Variants in MITF observed in about 807,000 individuals in gnomAD.
MITF encodes microphthalmia-associated transcription factor.
A neutral mutation model predicts 60.5 loss-of-function variants in MITF; 17 were observed. That is an observed-to-expected ratio of 0.28 (90% CI 0.19 to 0.42). The LOEUF (loss-of-function observed/expected upper bound fraction) is 0.42, where lower values mean the gene tolerates loss of function less well. MITF is among the 10% of genes least tolerant of loss of function. The pLI is 1.00. For synonymous variants in MITF, 260 were observed against 248.5 expected (o/e 1.05, Z -0.43); for missense variants, 622 against 683.5 (o/e 0.91, Z 1.00).
intron 1 of MITF, among the ~76,000 whole-genome samples, chr3:69,863,511 A>G (rs910390664): frequency 2.6e-5 from 4 of 152,174 alleles, no homozygotes; most frequent in African/African-American, 9.7e-5. Flanking sequence ...ATTTGGCACC[A>G]CATTATGTCC....
intron 7 of MITF, 61 bp downstream of exon 7, chr3:69,951,947 T>C: frequency 7.7e-7 from 1 of 1,294,024 alleles, no homozygotes; most frequent in Non-Finnish European, 1.1e-6. Flanking sequence ...ATATCAAAAA[T>C]GTTTCCAGAA....
chr3:69,802,735 A>C lies in MITF; in HGVS notation c.104+63034A>C, dbSNP rs529278840. 4.1e-3 allele frequency among the ~76,000 whole-genome samples: 503 copies of C among 121,352 alleles called. 6 individuals are homozygous for C. Among genetic ancestry groups the C allele is most frequent in the African/African-American group, 0.015 (466 of 30,738 alleles). 79.6% of individuals were successfully genotyped at this position (121,352 alleles called of 152,430 possible). The stretch of plus-strand genomic sequence containing the variant: ...AGAGGATGTTTGGCTCTTATTGCCC[A>C]GGCTGGAGTGCAATGGTGTGATCTC... On this transcript the variant is annotated intron_variant, in intron 1 of 9. Transcript: ENST00000352241.
At chr3:69,780,378 T>C (rs2062544126) in intron 1 of MITF, among the ~76,000 whole-genome samples, 2 of 152,234 alleles carry the variant, frequency 1.3e-5, no homozygotes, top group South Asian at 4.1e-4. Flanking sequence ...ACAAAGAAGA[T>C]GCATGCCAAT....
At chr3:69,956,996 T>C (rs183857872) in intron 8 of MITF, among the ~76,000 whole-genome samples, 2 of 152,318 alleles carry the variant, frequency 1.3e-5, no homozygotes, top group East Asian at 3.9e-4. Context: ...CAATTATTTT[T>C]ATGAAAACTT....
Position 69,948,665 on chromosome 3 carries a change from A to T in MITF, c.763-386A>T, listed in dbSNP as rs575831686. 4.6e-5 allele frequency among the ~76,000 whole-genome samples: 7 copies of T among 152,282 alleles called. No individual in the cohort carries two copies. In the East Asian group the frequency reaches 9.7e-4, roughly 21 times the overall value. On this transcript the variant is annotated intron_variant, in intron 5 of 9. Transcript: ENST00000352241. ...GAAAGTCCTATTTGGTGAAAAGGTC[A>T]TTTTATATACAATCCTGTTTTACAA...
chr3:69,819,359 A>G (rs2063230134), intron 1 of MITF, among the ~76,000 whole-genome samples: 1 of 152,212 alleles, frequency 6.6e-6, no homozygotes, highest in Non-Finnish European at 1.5e-5. Flanking sequence ...AATGAAGTTC[A>G]GAAGTTCAGA....
intron 1 of MITF, among the ~76,000 whole-genome samples, chr3:69,834,850 T>C (rs1165379590): frequency 1.3e-5 from 2 of 149,982 alleles, no homozygotes; most frequent in African/African-American, 4.9e-5. Flanking sequence ...TCTTTTCTTT[T>C]TTTTTTTTTT....
chr3:69,740,719 T>G (rs559416307), intron 1 of MITF, among the ~76,000 whole-genome samples: 7 of 152,216 alleles, frequency 4.6e-5, no homozygotes, highest in Non-Finnish European at 1.0e-4. Flanking sequence ...TTTCCACCCC[T>G]CTAAGCTGTG....
Position 69,798,567 on chromosome 3 carries a change from C to G in MITF, c.104+58866C>G, listed in dbSNP as rs113538621. On this transcript the variant is annotated intron_variant, in intron 1 of 9. Transcript: ENST00000352241. ...TCATGATTAGACTGTGTGTCCACAT[C>G]TCAGTATTTTTGCTGCTATTTTTAT... 4.3e-3 allele frequency among the ~76,000 whole-genome samples: 662 copies of G among 152,328 alleles called. 6 individuals are homozygous for G. The highest frequency in any genetic ancestry group is 0.015 in the African/African-American group (613 of 41,558).
At chr3:69,766,993 C>T (rs576270746) in intron 1 of MITF, among the ~76,000 whole-genome samples, 51 of 152,306 alleles carry the variant, frequency 3.3e-4, no homozygotes, top group African/African-American at 1.2e-3. Context: ...GAGACAACAG[C>T]ATGCACCATT....
At chr3:69,847,412 G>T (rs149214666) in intron 1 of MITF, among the ~76,000 whole-genome samples, 1 of 152,162 alleles carries the variant, frequency 6.6e-6, no homozygotes, top group Admixed American at 6.6e-5. Flanking sequence ...GAAAAGTGGC[G>T]TGAAGGCCAG....
At chr3:69,882,540 A>G (rs2064512881) in intron 2 of MITF, among the ~76,000 whole-genome samples, 1 of 152,136 alleles carries the variant, frequency 6.6e-6, no homozygotes, top group Non-Finnish European at 1.5e-5. Context: ...CACACCCTGT[A>G]TTTTGAGTTG....
At chr3:69,794,173 G>C (rs1242399402) in intron 1 of MITF, among the ~76,000 whole-genome samples, 2 of 152,174 alleles carry the variant, frequency 1.3e-5, no homozygotes. Flanking sequence ...ATCACTGAGG[G>C]AAACTGCTGT....
intron 7 of MITF, among the ~76,000 whole-genome samples, chr3:69,955,106 G>T (rs548138993): frequency 6.6e-6 from 1 of 152,246 alleles, no homozygotes; most frequent in South Asian, 2.1e-4. Context: ...ATGCTGTGAA[G>T]ATTCATGGTA....
At chr3:69,846,882 T>C (rs1024373889) in intron 1 of MITF, among the ~76,000 whole-genome samples, 4 of 150,688 alleles carry the variant, frequency 2.7e-5, no homozygotes, top group Non-Finnish European at 5.9e-5. Flanking sequence ...GATTGTTTAA[T>C]ACAATCCCAG....
intron 1 of MITF, chr3:69,866,373 A>G: frequency 6.2e-7 from 1 of 1,613,426 alleles, no homozygotes; most frequent in South Asian, 1.1e-5. Context: ...TCTGGAAATA[A>G]TCCCGGGACC....
chr3:69,870,557 C>CT (rs2064215304), intron 1 of MITF, among the ~76,000 whole-genome samples: 1 of 151,690 alleles, frequency 6.6e-6, no homozygotes, highest in Non-Finnish European at 1.5e-5. Flanking sequence ...GCCTCAGCCT[C>CT]TTAAGTAGCT....
At chr3:69,785,310 A>G (rs1432808409) in intron 1 of MITF, among the ~76,000 whole-genome samples, 1 of 152,122 alleles carries the variant, frequency 6.6e-6, no homozygotes, top group Non-Finnish European at 1.5e-5. Flanking sequence ...TAACAGCAGT[A>G]GTGAGCATTT....
intron 1 of MITF, among the ~76,000 whole-genome samples, chr3:69,783,984 C>A (rs2062608250): frequency 6.6e-6 from 1 of 152,178 alleles, no homozygotes; most frequent in South Asian, 2.1e-4. Context: ...TTCCTCTTTC[C>A]TGTCTCTCTT....
Sources: gnomAD v4.1 joint callset for allele counts (sites outside exome capture counted in the v4.1 genomes callset) on GRCh38, gnomAD v4.1.1 for gene constraint, MANE v1.5 for transcripts, NCBI Gene and HGNC (gene_info 2026-07-23, HGNC 2026-07-21) for gene names.